The following LBH variants were observed in gnomAD, a reference collection of about 807,000 sequenced individuals.
The protein encoded by LBH is LBH regulator of Wnt signaling pathway, also known as protein LBH.
Under a neutral mutation model 12.5 loss-of-function variants are expected in LBH, and 7 were observed. The ratio of observed to expected loss-of-function variants is 0.56; its 90% confidence interval spans 0.32 to 1.05. LBH has a LOEUF of 1.05. LBH is among the 50% of genes least tolerant of loss of function. The pLI, the probability that LBH is intolerant of heterozygous loss-of-function variation, is 0.04. For missense variants in LBH, 119 were observed against 138.9 expected, an observed-to-expected ratio of 0.86 and a Z score of 0.72; for synonymous variants, 51 against 50.1, an observed-to-expected ratio of 1.02 and a Z score of -0.08.
At chr2:30,241,460 C>CTTTTTTTTTTT (rs777223190) in intron 2 of LBH, among the ~76,000 whole-genome samples, 2 of 132,630 alleles carry the variant, frequency 1.5e-5, no homozygotes, top group African/African-American at 2.7e-5. Flanking sequence ...TTCTTTCTTT[C>CTTTTTTTTTTT]TTTTTTTTTT....
intron 2 of LBH, among the ~76,000 whole-genome samples, chr2:30,248,934 A>G (rs1002567974): frequency 3.3e-5 from 5 of 152,204 alleles, no homozygotes; most frequent in African/African-American, 7.2e-5. Context: ...CAAAGGAAGG[A>G]GGTCTAGCAG....
intron 2 of LBH, among the ~76,000 whole-genome samples, chr2:30,240,354 G>A (rs1174947976): frequency 1.3e-5 from 2 of 152,320 alleles, no homozygotes; most frequent in East Asian, 3.9e-4. Flanking sequence ...GGCGAATGTT[G>A]TGACTGTAGC....
intron 2 of LBH, among the ~76,000 whole-genome samples, chr2:30,236,354 C>A (rs78962930): frequency 1.6e-4 from 25 of 152,266 alleles, no homozygotes; most frequent in African/African-American, 5.8e-4. Flanking sequence ...AATAAAATCA[C>A]CTCTGGGTGC....
intron 2 of LBH, among the ~76,000 whole-genome samples, chr2:30,238,364 G>A (rs907992903): frequency 1.4e-4 from 22 of 152,226 alleles, no homozygotes; most frequent in Admixed American, 1.2e-3. Flanking sequence ...CCTGGACCAA[G>A]GTCTGAACAC....
At chr2:30,242,135 T>G (rs1463425939) in intron 2 of LBH, among the ~76,000 whole-genome samples, 5 of 152,222 alleles carry the variant, frequency 3.3e-5, no homozygotes, top group African/African-American at 1.2e-4. Flanking sequence ...TTGTGCATAC[T>G]TTATACTGTT....
At chr2:30,247,432 G>A (rs537471084) in intron 2 of LBH, among the ~76,000 whole-genome samples, 15 of 152,318 alleles carry the variant, frequency 9.8e-5, no homozygotes, top group African/African-American at 3.6e-4. Flanking sequence ...ATTTTCACTT[G>A]AAAGCTCTAT....
intron 2 of LBH, among the ~76,000 whole-genome samples, chr2:30,245,323 T>C (rs1408048391): frequency 2.0e-5 from 3 of 152,258 alleles, no homozygotes; most frequent in Non-Finnish European, 4.4e-5. Context: ...GAGTGGTATG[T>C]ATATTTTATT....
chr2:30,246,806 TCC>T (rs1263993059), intron 2 of LBH, among the ~76,000 whole-genome samples: 2 of 95,916 alleles, frequency 2.1e-5, no homozygotes, highest in Admixed American at 1.3e-4. Flanking sequence ...CCTCACTCAC[TCC>T]CTCCCTCCCT....
Position 30,257,604 on chromosome 2 carries a change from G to A in LBH, c.301G>A (p.Glu101Lys). 6.2e-7 allele frequency: 1 copy of A among 1,612,570 alleles called. No homozygotes were observed. Among genetic ancestry groups the A allele is most frequent in the Non-Finnish European group, 8.5e-7 (1 of 1,179,228 alleles). The part of the protein sequence containing the change: ...EQDNCEETAK[E>K]NKEQ The stretch of plus-strand genomic sequence containing the variant: ...AGATAACTGCGAAGAGACAGCGAAA[G>A]AAAATAAAGAGCAGTAGAGTCCCTG... Residue 101 changes from glutamate (E) to lysine (K), a missense_variant, in exon 3 of 3, where the codon GAA becomes AAA. Glu to Lys is a moderately conservative substitution (Grantham distance 56, BLOSUM62 1). Coordinates refer to ENST00000395323, the MANE Select transcript of LBH (RefSeq NM_030915.4).
At position 30,257,635 on chromosome 2, in the gene LBH, TC is replaced by T; in HGVS notation, c.*17del. ...AAAGAGCAGTAGAGTCCCTGTGGAC[TC>T]CCATGGGTCATACCAGCCAGCATCT... On this transcript the variant is annotated 3_prime_UTR_variant, in exon 3 of 3. Coordinates refer to ENST00000395323, the MANE Select transcript of LBH (RefSeq NM_030915.4). The T allele has an allele frequency of 6.3e-7, 1 of 1,574,984 alleles. No homozygotes were observed. Among genetic ancestry groups the T allele is most frequent in the African/African-American group, 1.4e-5 (1 of 73,896 alleles).
intron 2 of LBH, among the ~76,000 whole-genome samples, chr2:30,246,608 C>A (rs1442916953): frequency 6.6e-6 from 1 of 152,130 alleles, no homozygotes; most frequent in African/African-American, 2.4e-5. Flanking sequence ...GAAGACTAGG[C>A]TAGACTCTCA....
chr2:30,245,448 C>T (rs1677855279), intron 2 of LBH, among the ~76,000 whole-genome samples: 1 of 152,194 alleles, frequency 6.6e-6, no homozygotes, highest in Admixed American at 6.5e-5. Context: ...TGGATACGTA[C>T]ACTTTCTTCA....
intron 2 of LBH, among the ~76,000 whole-genome samples, chr2:30,249,366 G>A (rs541077772): frequency 1.3e-5 from 2 of 152,332 alleles, no homozygotes; most frequent in African/African-American, 4.8e-5. Flanking sequence ...GCAGGATGCT[G>A]GTAGAGATCT....
rs1339662621 is a variant in LBH at position 30,259,631 on chromosome 2, TTGTGTA to T, written c.*2016_*2021del. 1.3e-5 allele frequency: 2 copies of T among 152,510 alleles called. No individual in the cohort carries two copies. The highest frequency in any genetic ancestry group is 2.9e-5 in the Non-Finnish European group (2 of 68,098). 9.4% of individuals were successfully genotyped at this position (152,510 alleles called of 1,614,324 possible). A position where few individuals can be genotyped will look rare whatever the true frequency, so the allele number is the denominator to read the frequency against. ...TTGTAAACTGCGTAACAAATCTACT[TTGTGTA>T]TGTGTCTGTTTATGGGGGTGGTTTA... is the stretch of plus-strand genomic sequence containing the variant. On this transcript the variant is annotated 3_prime_UTR_variant, in exon 3 of 3. Coordinates refer to ENST00000395323, the MANE Select transcript of LBH (RefSeq NM_030915.4).
At chr2:30,232,268 C>A (rs940073861) in intron 1 of LBH, 3 of 1,506,896 alleles carry the variant, frequency 2.0e-6, no homozygotes, top group Non-Finnish European at 8.9e-7. Flanking sequence ...TCTCCCCACA[C>A]GTAACCCCAC....
At chr2:30,231,790 C>T in intron 1 of LBH, 26 bp downstream of exon 1, 2 of 1,549,290 alleles carry the variant, frequency 1.3e-6, no homozygotes, top group East Asian at 2.7e-5. Context: ...CTGCGGCGGG[C>T]GTCTGTCTCG....
At chr2:30,255,410 C>T (rs1165817967) in intron 2 of LBH, among the ~76,000 whole-genome samples, 3 of 152,106 alleles carry the variant, frequency 2.0e-5, no homozygotes, top group Non-Finnish European at 2.9e-5. Flanking sequence ...CCTCTGCCTC[C>T]GTGACCCACA....
At chr2:30,251,879 C>T (rs940861031) in intron 2 of LBH, among the ~76,000 whole-genome samples, 4 of 152,060 alleles carry the variant, frequency 2.6e-5, no homozygotes, top group Middle Eastern at 3.2e-3. Flanking sequence ...AAGCCCAGGG[C>T]GTTTGTTTGG....
At chr2:30,247,225 G>A (rs370990851) in intron 2 of LBH, among the ~76,000 whole-genome samples, 3 of 151,078 alleles carry the variant, frequency 2.0e-5, no homozygotes, top group East Asian at 3.9e-4. Flanking sequence ...CACTTTGAGT[G>A]CATCTTTTAC....
Sources: gnomAD v4.1 joint callset for allele counts (sites outside exome capture counted in the v4.1 genomes callset) on GRCh38, gnomAD v4.1.1 for gene constraint, MANE v1.5 for transcripts, NCBI Gene and HGNC (gene_info 2026-07-23, HGNC 2026-07-21) for gene names.